The following KCNQ5 variants were observed in gnomAD, a reference collection of about 807,000 sequenced individuals.
The protein encoded by KCNQ5 is potassium voltage-gated channel subfamily KQT member 5.
Under a neutral mutation model 98.2 loss-of-function variants are expected in KCNQ5, and 30 were observed. The ratio of observed to expected loss-of-function variants is 0.31; its 90% CI spans 0.23 to 0.41. The LOEUF (loss-of-function observed/expected upper bound fraction) is 0.41, where lower values mean the gene tolerates loss of function less well. Ranked by LOEUF, KCNQ5 falls within the 10% of genes least tolerant of loss-of-function variation. KCNQ5 has a pLI of 1.00. For synonymous variants in KCNQ5, 458 were observed against 449.4 expected (o/e 1.02, Z -0.24); for missense variants, 835 against 1,182.5 (o/e 0.71, Z 4.31).
intron 1 of KCNQ5, among the ~76,000 whole-genome samples, chr6:72,702,964 ACT>A (rs10560013): frequency 0.057 from 8,604 of 151,536 alleles, 789 homozygotes; most frequent in African/African-American, 0.19. Context: ...TCCCTGTTCA[ACT>A]CTCTCTTATT....
chr6:72,664,256 A>C (rs1766676455), intron 1 of KCNQ5, among the ~76,000 whole-genome samples: 1 of 152,192 alleles, frequency 6.6e-6, no homozygotes, highest in Non-Finnish European at 1.5e-5. Flanking sequence ...CACACAGTTA[A>C]ATTTATTCCT....
chr6:72,847,182 T>C (rs1024922515), intron 1 of KCNQ5, among the ~76,000 whole-genome samples: 37 of 152,324 alleles, frequency 2.4e-4, no homozygotes, highest in African/African-American at 5.8e-4. Context: ...TTTTTTTCTT[T>C]GAGATGGAGT....
At chr6:73,152,480 T>C (rs753635763) in intron 10 of KCNQ5, among the ~76,000 whole-genome samples, 3 of 152,180 alleles carry the variant, frequency 2.0e-5, no homozygotes, top group Admixed American at 6.5e-5. Flanking sequence ...CTAAGGGTTC[T>C]TTTATTTTAG....
Position 72,880,554 on chromosome 6 carries a change from G to A in KCNQ5, c.399-123354G>A, listed in dbSNP as rs1004093008. Among the ~76,000 whole-genome samples, 3 of 152,254 alleles carry A rather than the reference G, an allele frequency of 2.0e-5. No individual in the cohort carries two copies. In the East Asian group the frequency reaches 5.8e-4, roughly 29 times the overall value. On this transcript the variant is annotated intron_variant, in intron 1 of 13. Transcript: ENST00000370398. ...GCACTTGCTATCCATGCACTTGTGTGGCCAAATTCCGGTCTTCTGTGAGTA... is the reference window on the plus strand; with the variant it reads ...GCACTTGCTATCCATGCACTTGTGTAGCCAAATTCCGGTCTTCTGTGAGTA...
chr6:73,187,706 G>T (rs899561871), intron 11 of KCNQ5, among the ~76,000 whole-genome samples: 1 of 152,014 alleles, frequency 6.6e-6, no homozygotes, highest in Non-Finnish European at 1.5e-5. Context: ...ATAAACCATG[G>T]ATTTTAATTT....
intron 1 of KCNQ5, among the ~76,000 whole-genome samples, chr6:72,969,277 T>C (rs1767761081): frequency 6.6e-6 from 1 of 152,222 alleles, no homozygotes; most frequent in South Asian, 2.1e-4. Flanking sequence ...TTTTGAATCT[T>C]GGAAGAAGAT....
At chr6:73,108,688 G>A (rs4708033) in intron 6 of KCNQ5, among the ~76,000 whole-genome samples, 110,849 of 151,910 alleles carry the variant, frequency 0.73, 45,589 homozygotes, top group South Asian at 0.94. Context: ...TCAGCCAGGC[G>A]TGGTGGCGGG....
intron 2 of KCNQ5, among the ~76,000 whole-genome samples, chr6:73,036,406 A>G (rs965661234): frequency 1.8e-5 from 2 of 112,746 alleles, no homozygotes; most frequent in African/African-American, 5.4e-5. Context: ...AAAAAAAAAA[A>G]AAAAAAGATA....
intron 1 of KCNQ5, among the ~76,000 whole-genome samples, chr6:72,867,707 G>A (rs1449812117): frequency 6.6e-6 from 1 of 152,052 alleles, no homozygotes; most frequent in Non-Finnish European, 1.5e-5. Context: ...GGAGGCTGAG[G>A]TGGGAGGGTC....
At chr6:72,986,811 A>G (rs569613198) in intron 1 of KCNQ5, 216 of 1,329,680 alleles carry the variant, frequency 1.6e-4, no homozygotes, top group Non-Finnish European at 2.3e-4. Flanking sequence ...AAATAACACA[A>G]GAAGGAAACA....
At chr6:72,683,896 T>G (rs756521082) in intron 1 of KCNQ5, among the ~76,000 whole-genome samples, 2 of 152,214 alleles carry the variant, frequency 1.3e-5, no homozygotes, top group African/African-American at 2.4e-5. Context: ...CTAGTTTTTC[T>G]TTTATGTTTT....
chr6:73,175,758 T>C (rs1002347272), intron 11 of KCNQ5, among the ~76,000 whole-genome samples: 5 of 151,916 alleles, frequency 3.3e-5, no homozygotes, highest in African/African-American at 7.3e-5. Flanking sequence ...CTGCTTAGAG[T>C]TGTGAGGAAC....
intron 10 of KCNQ5, chr6:73,157,597 G>A: frequency 6.5e-6 from 5 of 769,888 alleles, no homozygotes; most frequent in South Asian, 4.1e-5. Context: ...GGAGGGCGGC[G>A]GCAACGGTAG....
chr6:73,093,268 T>A (rs1774331881), intron 5 of KCNQ5, among the ~76,000 whole-genome samples: 1 of 152,216 alleles, frequency 6.6e-6, no homozygotes, highest in African/African-American at 2.4e-5. Flanking sequence ...ATTTCATTTC[T>A]TCTTGAGCTA....
intron 1 of KCNQ5, among the ~76,000 whole-genome samples, chr6:72,817,421 G>A (rs1204054051): frequency 6.6e-6 from 1 of 152,152 alleles, no homozygotes; most frequent in African/African-American, 2.4e-5. Flanking sequence ...AAACAAACAT[G>A]ATGCTACAGC....
intron 1 of KCNQ5, chr6:72,986,932 C>T: frequency 1.2e-6 from 1 of 859,938 alleles, no homozygotes; most frequent in South Asian, 1.5e-5. Flanking sequence ...AACAGGCAGC[C>T]TTGGGGCAGA....
chr6:72,975,308 C>A (rs1410180533), intron 1 of KCNQ5, among the ~76,000 whole-genome samples: 1 of 151,838 alleles, frequency 6.6e-6, no homozygotes, highest in Non-Finnish European at 1.5e-5. Context: ...AAAAAACATA[C>A]CTTTTTTCTT....
At chr6:73,059,741 T>C (rs902998370) in intron 3 of KCNQ5, among the ~76,000 whole-genome samples, 1 of 152,140 alleles carries the variant, frequency 6.6e-6, no homozygotes, top group Non-Finnish European at 1.5e-5. Flanking sequence ...ATGTATATTT[T>C]ACCACTTGGG....
In KCNQ5 at chr6:72,997,700, G is replaced by A. The variant is rs185658628; in HGVS notation, c.399-6208G>A. ...CAGGAGGCTGAGAAAGGAGAATGGC[G>A]TGAATCCGGAAGGGGGAGCTTGCAG... On this transcript the variant is annotated intron_variant, in intron 1 of 13. Transcript: ENST00000370398. 2.8e-3 allele frequency among the ~76,000 whole-genome samples: 419 copies of A among 147,300 alleles called. 5 individuals carry two copies. Among genetic ancestry groups the A allele is most frequent in the East Asian group, 0.027 (130 of 4,872 alleles).
Sources: allele counts gnomAD v4.1 joint callset (sites outside exome capture counted in the v4.1 genomes callset), GRCh38; gene constraint gnomAD v4.1.1; transcripts MANE v1.5; gene names NCBI Gene and HGNC (gene_info 2026-07-23, HGNC 2026-07-21).